DLGAP4: variants seen among roughly 807,000 people sequenced by gnomAD.
The protein encoded by DLGAP4 is DLG associated protein 4, also known as disks large-associated protein 4.
DLGAP4 carries 18 observed loss-of-function variants against 86.9 expected under a neutral mutation model. The ratio of observed to expected loss-of-function variants is 0.21; its 90% CI spans 0.14 to 0.31. The LOEUF (loss-of-function observed/expected upper bound fraction) is 0.31, where lower values mean the gene tolerates loss of function less well. Among genes scored for constraint, DLGAP4 ranks in the 10% least tolerant of loss-of-function variants. The pLI is 1.00. For missense variants in DLGAP4, 1,085 were observed against 1,362.6 expected (o/e 0.80, Z 3.21); for synonymous variants, 548 against 574.3 (o/e 0.95, Z 0.65).
rs150199875 is a variant in DLGAP4 at position 36,526,983 on chromosome 20, C to T, written c.2931C>T (p.Ser977=). The part of the protein sequence containing the change: ...ASVRQNSATE[S]ADSIEIYVPE... ...TGCGGCAGAACTCAGCCACCGAGAG[C>T]GCAGACAGCATCGAGATTTATGTCC... The change falls in exon 13 of 13, where the codon AGC becomes AGT. Residue 977 remains serine (S), a synonymous_variant. Coordinates refer to ENST00000339266, the MANE Select transcript of DLGAP4 (RefSeq NM_001365621.2). 49 of 1,612,310 alleles carry T rather than the reference C, an allele frequency of 3.0e-5. No homozygotes were observed. Among genetic ancestry groups the T allele is most frequent in the African/African-American group, 2.5e-4 (19 of 74,766 alleles).
intron 7 of DLGAP4, among the ~76,000 whole-genome samples, chr20:36,449,326 C>T (rs2033675670): frequency 6.6e-6 from 1 of 152,252 alleles, no homozygotes; most frequent in Admixed American, 6.5e-5. Flanking sequence ...ACAACTCCAG[C>T]CCTATTTTCC....
chr20:36,414,728 G>A (rs2032603943), intron 2 of DLGAP4, among the ~76,000 whole-genome samples: 1 of 152,232 alleles, frequency 6.6e-6, no homozygotes, highest in Non-Finnish European at 1.5e-5. Flanking sequence ...AGGGGGCAGA[G>A]GCCCTGTTCC....
chr20:36,427,573 A>G (rs2033010770), intron 2 of DLGAP4, among the ~76,000 whole-genome samples: 1 of 152,212 alleles, frequency 6.6e-6, no homozygotes, highest in African/African-American at 2.4e-5. Context: ...CAGCATTGTT[A>G]CTAAATGTCA....
At chr20:36,480,936 A>G (rs556711861) in intron 7 of DLGAP4, among the ~76,000 whole-genome samples, 1 of 152,274 alleles carries the variant, frequency 6.6e-6, no homozygotes, top group East Asian at 1.9e-4. Context: ...AGCCCGGGCT[A>G]TCAAGGCTGC....
intron 7 of DLGAP4, among the ~76,000 whole-genome samples, chr20:36,476,304 T>A (rs989778136): frequency 4.9e-5 from 7 of 144,206 alleles, no homozygotes; most frequent in Admixed American, 1.4e-4. Context: ...CCTTGCCTGG[T>A]CCCTGGCAAC....
rs1218379701 is a variant in DLGAP4 at position 36,517,759 on chromosome 20, T to C, written c.2513-6491T>C. ...AAACCCAGCTAAATTTATGATATAT[T>C]ATTTTAGTACACTGCCGGGTTTAAT... On this transcript the variant is annotated intron_variant, in intron 10 of 12. Transcript: ENST00000339266. 2.0e-5 allele frequency among the ~76,000 whole-genome samples: 3 copies of C among 152,192 alleles called. No homozygotes were observed. The East Asian group carries it at 5.8e-4, about 29-fold the overall frequency.
chr20:36,441,729 G>A (rs897452370), intron 5 of DLGAP4, among the ~76,000 whole-genome samples: 2 of 151,506 alleles, frequency 1.3e-5, no homozygotes, highest in Non-Finnish European at 2.9e-5. Context: ...GTCTGTCTCC[G>A]TCTGTTTCTC....
intron 8 of DLGAP4, chr20:36,497,537 G>T (rs956615825): frequency 3.0e-6 from 3 of 991,578 alleles, no homozygotes; most frequent in Admixed American, 5.7e-5. Context: ...AGGACCCAGG[G>T]CCCTTGAGCC....
At chr20:36,499,162 G>T in intron 8 of DLGAP4, 1 of 1,375,148 alleles carries the variant, frequency 7.3e-7, no homozygotes, top group South Asian at 1.3e-5. Context: ...ACCAGATAAC[G>T]GCTGTGGCTT....
At chr20:36,506,061 G>A (rs1569522182) in intron 10 of DLGAP4, among the ~76,000 whole-genome samples, 1 of 152,100 alleles carries the variant, frequency 6.6e-6, no homozygotes, top group South Asian at 2.1e-4. Flanking sequence ...CCTTTTCATA[G>A]TAAGTCTTTA....
rs1253849250 is a variant in DLGAP4, at chr20:36,321,252, G to T, written c.-304+14740G>T. Among the ~76,000 whole-genome samples the T allele has an allele frequency of 2.0e-5, 3 of 152,228 alleles. No individual in the cohort carries two copies. The East Asian group carries it at 5.8e-4, about 29-fold the overall frequency. ...ACGAAACAGGCATTCCTGGCAGAGG[G>T]AACAGCACGTGCAAAGGGCTGGGGT... On this transcript the variant is annotated intron_variant, in intron 1 of 12. Coordinates refer to ENST00000339266, the MANE Select transcript of DLGAP4 (RefSeq NM_001365621.2).
intron 1 of DLGAP4, among the ~76,000 whole-genome samples, chr20:36,307,065 C>T (rs2065010009): frequency 6.6e-6 from 1 of 152,130 alleles, no homozygotes; most frequent in South Asian, 2.1e-4. Context: ...CTCCCCCCTT[C>T]CCGAGCTCTT....
At chr20:36,408,048 CCTTTGTCGGGGG>C (rs1726590999) in intron 2 of DLGAP4, among the ~76,000 whole-genome samples, 1 of 151,720 alleles carries the variant, frequency 6.6e-6, no homozygotes, top group Admixed American at 6.6e-5. Flanking sequence ...TCCAAAGGGC[CCTTTGTCGGGGG>C]CTTCCAGGTG....
rs190899702 is a variant in DLGAP4 at position 36,439,717 on chromosome 20, G to A, written c.1242-37G>A. ...CCTCCAAAAGCTGGGTGAACAATGGGTGGGCTGAGCCCTGTCTGCTCCCCA... is the reference window on the plus strand; with the variant it reads ...CCTCCAAAAGCTGGGTGAACAATGGATGGGCTGAGCCCTGTCTGCTCCCCA... On this transcript the variant is annotated intron_variant, in intron 4 of 12. Transcript: ENST00000339266. 9.3e-4 allele frequency: 1,468 copies of A among 1,578,072 alleles called. 12 individuals are homozygous for A. In the African/African-American group the frequency reaches 0.014, roughly 15 times the overall value.
At chr20:36,467,017 CCTCTCTCTCTCTCTCTCTCTCTCTCTCT>C (rs55778929) in intron 7 of DLGAP4, among the ~76,000 whole-genome samples, 2 of 50,360 alleles carry the variant, frequency 4.0e-5, no homozygotes, top group Admixed American at 2.9e-4. Flanking sequence ...CTCTCTCTCT[CCTCTCTCTCTCTCTCTCTCTCTCTCTCT>C]CTCTCTCTCT....
intron 7 of DLGAP4, among the ~76,000 whole-genome samples, chr20:36,465,872 CCTCTTCCCCTATAGTGCCCT>C (rs2034327938): frequency 6.6e-6 from 1 of 152,112 alleles, no homozygotes; most frequent in African/African-American, 2.4e-5. Flanking sequence ...TTAATGCTGT[CCTCTTCCCCTATAGTGCCCT>C]CTCTTCCCCT....
chr20:36,379,254 C>A (rs1169074351), intron 2 of DLGAP4, among the ~76,000 whole-genome samples: 1 of 152,196 alleles, frequency 6.6e-6, no homozygotes, highest in Admixed American at 6.5e-5. Flanking sequence ...GAAGCCAGAC[C>A]CTGGAGGCCT....
intron 10 of DLGAP4, among the ~76,000 whole-genome samples, chr20:36,514,798 C>A (rs1355083067): frequency 6.6e-6 from 1 of 151,944 alleles, no homozygotes; most frequent in Non-Finnish European, 1.5e-5. Context: ...GCTTATTATG[C>A]TGGAGAGAAA....
At chr20:36,482,937 G>A (rs1455366886) in intron 7 of DLGAP4, among the ~76,000 whole-genome samples, 2 of 152,258 alleles carry the variant, frequency 1.3e-5, no homozygotes, top group East Asian at 1.9e-4. Flanking sequence ...CTCCCAAATC[G>A]CTGAGATTAC....
Sources: gnomAD v4.1 joint callset for allele counts (sites outside exome capture counted in the v4.1 genomes callset) on GRCh38, gnomAD v4.1.1 for gene constraint, MANE v1.5 for transcripts, NCBI Gene and HGNC (gene_info 2026-07-23, HGNC 2026-07-21) for gene names.